Variants in CHD2 observed in about 807,000 individuals in gnomAD.
The protein encoded by CHD2 is ATP-dependent chromatin remodeler CHD2.
Under a neutral mutation model 243.9 loss-of-function variants are expected in CHD2, and 28 were observed. The observed-to-expected ratio is 0.11, with a 90% CI of 0.09 to 0.16. The LOEUF is 0.16. CHD2 is among the 10% of genes least tolerant of loss of function. CHD2 has a pLI of 1.00. For missense variants in CHD2, 1,386 were observed against 2,209.8 expected (o/e 0.63, Z 7.47); for synonymous variants, 775 against 779.0 (o/e 0.99, Z 0.09).
intron 38 of CHD2, among the ~76,000 whole-genome samples, chr15:93,023,690 T>A (rs902499212): frequency 2.0e-5 from 3 of 151,974 alleles, no homozygotes; most frequent in African/African-American, 7.3e-5. Flanking sequence ...TGTTTTTTTT[T>A]AATGAGTATC....
At chr15:92,929,511 A>G (rs897546519) in intron 5 of CHD2, among the ~76,000 whole-genome samples, 1 of 152,206 alleles carries the variant, frequency 6.6e-6, no homozygotes, top group East Asian at 1.9e-4. Context: ...AAGAAATTAC[A>G]TATTGTTGTT....
At chr15:92,901,444 G>A in intron 2 of CHD2, 145 bp downstream of exon 2, 1 of 638,702 alleles carries the variant, frequency 1.6e-6, no homozygotes, top group Non-Finnish European at 2.8e-6. Context: ...GCATGACCTT[G>A]AGATTGCTAA....
At chr15:92,910,068 A>G (rs1361945656) in intron 2 of CHD2, among the ~76,000 whole-genome samples, 5 of 151,804 alleles carry the variant, frequency 3.3e-5, no homozygotes, top group African/African-American at 1.2e-4. Flanking sequence ...GTGCAGTGGT[A>G]CAATTTCGGT....
intron 26 of CHD2, 70 bp downstream of exon 26, chr15:92,985,743 C>T: frequency 1.3e-6 from 2 of 1,491,660 alleles, no homozygotes; most frequent in East Asian, 4.6e-5. Context: ...TTGACTGGAT[C>T]CTGGACATCG....
chr15:92,902,040 G>A (rs1316793429), intron 2 of CHD2: 1 of 392,842 alleles, frequency 2.5e-6, no homozygotes, highest in Non-Finnish European at 4.5e-6. Context: ...AATATTTGCA[G>A]TTGTATATTT....
chr15:92,996,914 C>T lies in CHD2; in HGVS notation c.3596-43C>T, dbSNP rs370908223. On this transcript the variant is annotated intron_variant, in intron 28 of 38. Transcript: ENST00000394196. ...TTGATACATGTTTTCTGTGGAACTTCTGCAGATTTTCATTTAACTAATGTG... is the reference window on the plus strand; with the variant it reads ...TTGATACATGTTTTCTGTGGAACTTTTGCAGATTTTCATTTAACTAATGTG... The T allele has an allele frequency of 3.8e-6, 6 of 1,579,130 alleles. No individual in the cohort carries two copies. In the African/African-American group the frequency reaches 6.8e-5, roughly 18 times the overall value.
intron 8 of CHD2, 94 bp from the exon 9 acceptor site, chr15:92,942,749 C>T: frequency 1.1e-6 from 1 of 932,728 alleles, no homozygotes. Context: ...GTGCTTCATC[C>T]ACAAAGGGAG....
At chr15:93,001,869 T>A (rs1355912439) in intron 32 of CHD2, among the ~76,000 whole-genome samples, 3 of 152,230 alleles carry the variant, frequency 2.0e-5, no homozygotes, top group Admixed American at 6.5e-5. Context: ...TAGCTGACTT[T>A]GTATAGGTAT....
Position 93,025,942 on chromosome 15 carries a change from T to C in CHD2, c.*1237T>C, listed in dbSNP as rs1279007647. 6.6e-6 allele frequency: 1 copy of C among 152,466 alleles called. No individual in the cohort carries two copies. Among genetic ancestry groups the C allele is most frequent in the Admixed American group, 6.5e-5 (1 of 15,292 alleles). 9.4% of individuals were successfully genotyped at this position (152,466 alleles called of 1,614,324 possible). On this transcript the variant is annotated 3_prime_UTR_variant, in exon 39 of 39. Transcript: ENST00000394196. Reference sequence around the variant, plus strand: ...TCATTAGAATTGAATTCAGTTTCTCTTAGAATATAATCAGGTATAAACCTA... The same window carrying C: ...TCATTAGAATTGAATTCAGTTTCTCCTAGAATATAATCAGGTATAAACCTA...
rs772512422 is a variant in CHD2 at position 92,961,862 on chromosome 15, C to CT, written c.2000+5214dup. ...CTTTTGACATCATTGGTTTCTTCCT[C>CT]TGTTTTTTCTTCTCTTTTTTTTTTT... On this transcript the variant is annotated intron_variant, in intron 16 of 38. Transcript: ENST00000394196. Among the ~76,000 whole-genome samples, 7 of 107,868 alleles carry CT rather than the reference C, an allele frequency of 6.5e-5. No individual in the cohort carries two copies. The East Asian group carries it at 2.2e-3, about 34-fold the overall frequency. The allele number at this position is 107,868 out of a possible 152,430, so 70.8% of individuals were successfully genotyped here.
In CHD2 at chr15:92,998,455, G is replaced by A; in HGVS notation, c.3886-44G>A. The stretch of plus-strand genomic sequence containing the variant: ...TCTGTTTATCCTGATCCACTAACCA[G>A]GATGTGGGTGGTGGCGGGTGCTTCT... On this transcript the variant is annotated intron_variant, in intron 30 of 38. Coordinates refer to ENST00000394196, the MANE Select transcript of CHD2 (RefSeq NM_001271.4). This position sits in a 1 kb window ranked among gnomAD's most constrained non-coding sequence, Gnocchi z 5.1. 1.9e-6 allele frequency: 3 copies of A among 1,612,132 alleles called. 1 individual carries two copies. Among genetic ancestry groups the A allele is most frequent in the Non-Finnish European group, 2.5e-6 (3 of 1,178,748 alleles).
At chr15:92,981,942 A>G (rs1373189589) in intron 24 of CHD2, among the ~76,000 whole-genome samples, 2 of 152,240 alleles carry the variant, frequency 1.3e-5, no homozygotes, top group East Asian at 3.8e-4. Flanking sequence ...ACTAAACACA[A>G]AAGTTGGGCA....
intron 2 of CHD2, among the ~76,000 whole-genome samples, chr15:92,910,956 C>T (rs907341231): frequency 3.3e-5 from 5 of 152,126 alleles, no homozygotes; most frequent in Non-Finnish European, 7.4e-5. Context: ...GAGCATGTTA[C>T]AGTACTGAAT....
rs758634215 is a variant in CHD2 at position 92,929,010 on chromosome 15, T to TC, written c.382-14dup. Reference sequence around the variant, plus strand: ...GTGAATTAAAGTCTGTAATCATTTTTCCCCCCTCACACACTGAAGGCAAGT... The same window carrying TC: ...GTGAATTAAAGTCTGTAATCATTTTTCCCCCCCTCACACACTGAAGGCAAGT... On this transcript the variant is annotated intron_variant, in intron 4 of 38. Coordinates refer to ENST00000394196, the MANE Select transcript of CHD2 (RefSeq NM_001271.4). The TC allele has an allele frequency of 6.2e-6, 10 of 1,607,876 alleles. No homozygotes were observed. The highest frequency in any genetic ancestry group is 2.2e-5 in the East Asian group (1 of 44,822).
chr15:92,978,284 G>A lies in CHD2; in HGVS notation c.2628G>A (p.Leu876=), dbSNP rs772889877. Residue 876 remains leucine (L), a synonymous_variant, in exon 21 of 39, where the codon TTG becomes TTA. Coordinates refer to ENST00000394196, the MANE Select transcript of CHD2 (RefSeq NM_001271.4). ...STRAGGLGIN[L]ASADTVVIFD... The stretch of plus-strand genomic sequence containing the variant: ...GGGCTGGTGGCCTGGGAATCAATTT[G>A]GCTTCAGCGGACACAGTCGTCATCT... 3 of 1,614,038 alleles carry A rather than the reference G, an allele frequency of 1.9e-6. No homozygotes were observed. The highest frequency in any genetic ancestry group is 3.3e-5 in the Admixed American group (2 of 60,004).
rs2054437516 is a variant in CHD2, at chr15:93,014,818, G to A, written c.4815G>A (p.Lys1605=). 1.2e-6 allele frequency: 2 copies of A among 1,614,018 alleles called. No individual in the cohort carries two copies. The highest frequency in any genetic ancestry group is 2.7e-5 in the African/African-American group (2 of 74,896). The change falls in exon 37 of 39, where the codon AAG becomes AAA. Residue 1605 remains lysine (K), a synonymous_variant. Coordinates refer to ENST00000394196, the MANE Select transcript of CHD2 (RefSeq NM_001271.4). The stretch of plus-strand genomic sequence containing the variant: ...CCTCACACAACCTTCACCCTCAGAA[G>A]CCTCATTTGCCTGCCTCCCATGGCC... ...SHTSHNLHPQ[K]PHLPASHGPQ...
chr15:92,991,349 C>A, intron 26 of CHD2, 127 bp from the exon 27 acceptor site: 1 of 551,424 alleles, frequency 1.8e-6, no homozygotes, highest in Non-Finnish European at 3.2e-6. Flanking sequence ...TTTGGTAGTG[C>A]AAGGATTGAG....
chr15:92,938,144 C>T (rs1195602802), intron 6 of CHD2, among the ~76,000 whole-genome samples: 2 of 152,172 alleles, frequency 1.3e-5, no homozygotes, highest in Admixed American at 6.5e-5. Context: ...TTAGAATGGA[C>T]TCAGCAAACT....
At chr15:92,953,277 G>T (rs1484731402) in intron 13 of CHD2, 80 bp from the exon 14 acceptor site, 1 of 1,086,970 alleles carries the variant, frequency 9.2e-7, no homozygotes, top group Non-Finnish European at 1.4e-6. Context: ...TGAAGCATTG[G>T]TGTCGTTGCT....
Sources: gnomAD v4.1 joint callset for allele counts (sites outside exome capture counted in the v4.1 genomes callset) on GRCh38, gnomAD v4.1.1 for gene constraint, Gnocchi (gnomAD v3.1) non-coding constraint, MANE v1.5 for transcripts, NCBI Gene and HGNC (gene_info 2026-07-23, HGNC 2026-07-21) for gene names.